The following PRKN variants were observed in gnomAD, a reference collection of about 807,000 sequenced individuals.
The protein encoded by PRKN is E3 ubiquitin-protein ligase parkin.
Under a neutral mutation model 59.5 loss-of-function variants are expected in PRKN, and 56 were observed. The observed-to-expected ratio is 0.94, with a 90% CI of 0.76 to 1.18. The LOEUF is 1.18. Among genes scored for constraint, PRKN ranks in the 50% most tolerant of loss-of-function variants. PRKN has a pLI of 0.00. For missense variants in PRKN, 657 were observed against 596.4 expected, an observed-to-expected ratio of 1.10 and a Z score of -1.06; for synonymous variants, 250 against 222.1, an observed-to-expected ratio of 1.13 and a Z score of -1.12.
intron 4 of PRKN, among the ~76,000 whole-genome samples, chr6:162,119,277 G>A (rs577835276): frequency 6.6e-6 from 1 of 152,260 alleles, no homozygotes; most frequent in East Asian, 1.9e-4. Flanking sequence ...AGTCTACAGG[G>A]CTTTAAATCA....
At chr6:161,940,852 C>T (rs902762109) in intron 6 of PRKN, among the ~76,000 whole-genome samples, 2 of 152,190 alleles carry the variant, frequency 1.3e-5, no homozygotes, top group African/African-American at 2.4e-5. Context: ...TGACCACAGC[C>T]TCTTAGAGCT....
chr6:161,658,680 T>C (rs1582960287), intron 7 of PRKN, among the ~76,000 whole-genome samples: 1 of 152,176 alleles, frequency 6.6e-6, no homozygotes, highest in Non-Finnish European at 1.5e-5. Flanking sequence ...CCTCCAACTT[T>C]ACAAATATTT....
chr6:162,527,574 T>G (rs1185735096), intron 1 of PRKN, among the ~76,000 whole-genome samples: 1 of 152,218 alleles, frequency 6.6e-6, no homozygotes, highest in Non-Finnish European at 1.5e-5. Flanking sequence ...AACAGTTTAC[T>G]AACTGGGTCA....
chr6:162,162,689 T>A (rs1265926109), intron 4 of PRKN, among the ~76,000 whole-genome samples: 1 of 152,172 alleles, frequency 6.6e-6, no homozygotes, highest in Non-Finnish European at 1.5e-5. Flanking sequence ...CAAAAAATTT[T>A]CCCTAAATCT....
chr6:162,555,729 G>A lies in PRKN; in HGVS notation c.8-112256C>T, dbSNP rs138365641. Reference sequence around the variant, plus strand: ...AATGAATTCAAGGCCGGTGGCTCACGGCTGTAATCCCAGCACTTTGGGAGG... The same window carrying A: ...AATGAATTCAAGGCCGGTGGCTCACAGCTGTAATCCCAGCACTTTGGGAGG... On this transcript the variant is annotated intron_variant, in intron 1 of 11. Transcript: ENST00000366898. Among the ~76,000 whole-genome samples, 597 of 152,124 alleles carry A rather than the reference G, an allele frequency of 3.9e-3. 5 individuals carry two copies. Among genetic ancestry groups the A allele is most frequent in the African/African-American group, 0.014 (573 of 41,506 alleles).
At chr6:162,645,698 G>T (rs1778144256) in intron 1 of PRKN, among the ~76,000 whole-genome samples, 1 of 152,034 alleles carries the variant, frequency 6.6e-6, no homozygotes, top group Non-Finnish European at 1.5e-5. Flanking sequence ...TCACATAAAA[G>T]TAATAATCAA....
At chr6:161,860,018 G>A (rs183688078) in intron 6 of PRKN, among the ~76,000 whole-genome samples, 6 of 152,144 alleles carry the variant, frequency 3.9e-5, no homozygotes, top group Admixed American at 1.3e-4. Context: ...GTTTTGTGGA[G>A]GGTTTTTTTG....
intron 5 of PRKN, among the ~76,000 whole-genome samples, chr6:162,045,490 T>C (rs1209140429): frequency 6.6e-6 from 1 of 152,250 alleles, no homozygotes; most frequent in East Asian, 1.9e-4. Context: ...TTTCACCACA[T>C]GTGGGTCAAC....
At chr6:161,760,873 A>G (rs140829843) in intron 7 of PRKN, among the ~76,000 whole-genome samples, 7 of 152,342 alleles carry the variant, frequency 4.6e-5, no homozygotes, top group Middle Eastern at 6.8e-3. Flanking sequence ...GCACATATCT[A>G]AACTGTTATC....
chr6:161,567,291 G>T (rs944298332), intron 8 of PRKN, among the ~76,000 whole-genome samples: 1 of 152,038 alleles, frequency 6.6e-6, no homozygotes, highest in Admixed American at 6.5e-5. Context: ...CAAATGATCT[G>T]CCTGCCTTGG....
At chr6:162,288,578 A>C (rs1279813525) in intron 2 of PRKN, among the ~76,000 whole-genome samples, 28 of 152,142 alleles carry the variant, frequency 1.8e-4, no homozygotes, top group Non-Finnish European at 2.5e-4. Flanking sequence ...GGCTTGAAGA[A>C]GCAAGTCATC....
rs549559868 is a variant in PRKN at position 162,340,983 on chromosome 6, C to G, written c.172-78218G>C. 7.2e-5 allele frequency among the ~76,000 whole-genome samples: 11 copies of G among 151,948 alleles called. No individual in the cohort carries two copies. The East Asian group carries it at 2.1e-3, about 29-fold the overall frequency. On this transcript the variant is annotated intron_variant, in intron 2 of 11. Transcript: ENST00000366898. Reference sequence around the variant, plus strand: ...AACTATCCTCAGAGTCAACAGGCAACCTAAAGAATGGGAGAAAATTTTTGC... The same window carrying G: ...AACTATCCTCAGAGTCAACAGGCAAGCTAAAGAATGGGAGAAAATTTTTGC...
At chr6:162,125,777 A>G (rs973086468) in intron 4 of PRKN, among the ~76,000 whole-genome samples, 2 of 152,192 alleles carry the variant, frequency 1.3e-5, no homozygotes, top group Non-Finnish European at 2.9e-5. Context: ...AAGATGATAC[A>G]TGGCAGGTAC....
At chr6:162,683,744 C>A (rs1370756636) in intron 1 of PRKN, among the ~76,000 whole-genome samples, 1 of 152,002 alleles carries the variant, frequency 6.6e-6, no homozygotes, top group Non-Finnish European at 1.5e-5. Context: ...TTATAATAAT[C>A]GGTTGTCTTG....
intron 4 of PRKN, among the ~76,000 whole-genome samples, chr6:162,154,095 G>T (rs1782393969): frequency 6.6e-6 from 1 of 152,074 alleles, no homozygotes; most frequent in African/African-American, 2.4e-5. Context: ...TCAGCATAAA[G>T]CTCATTCTAA....
At chr6:161,500,625 G>T (rs1420038769) in intron 9 of PRKN, among the ~76,000 whole-genome samples, 1 of 152,114 alleles carries the variant, frequency 6.6e-6, no homozygotes, top group Non-Finnish European at 1.5e-5. Context: ...TCTTCCCATG[G>T]CTTGACAGTA....
In PRKN at chr6:162,464,107, A is replaced by G. The variant is rs560250008; in HGVS notation, c.8-20634T>C. On this transcript the variant is annotated intron_variant, in intron 1 of 11. Transcript: ENST00000366898. The stretch of plus-strand genomic sequence containing the variant: ...TTATACATAACAAGTACTTTCAACA[A>G]AAAATTCTAACAATTCTTGATGCCT... Among the ~76,000 whole-genome samples the G allele has an allele frequency of 8.5e-5, 13 of 152,346 alleles. No homozygotes were observed. In the East Asian group the frequency reaches 2.5e-3, roughly 29 times the overall value.
intron 6 of PRKN, among the ~76,000 whole-genome samples, chr6:161,956,617 C>A (rs1428415994): frequency 6.6e-6 from 1 of 152,096 alleles, no homozygotes; most frequent in Non-Finnish European, 1.5e-5. Flanking sequence ...GTAAGGGATA[C>A]AACAATAAAT....
intron 2 of PRKN, among the ~76,000 whole-genome samples, chr6:162,339,739 G>A (rs934594960): frequency 3.3e-5 from 5 of 151,918 alleles, no homozygotes; most frequent in Admixed American, 6.6e-5. Context: ...GATGGTTGCC[G>A]TGTCTGTGTA....
Sources: gnomAD v4.1 joint callset for allele counts (sites outside exome capture counted in the v4.1 genomes callset) on GRCh38, gnomAD v4.1.1 for gene constraint, MANE v1.5 for transcripts, NCBI Gene and HGNC (gene_info 2026-07-23, HGNC 2026-07-21) for gene names.